SLC26A7: variants seen among roughly 807,000 people sequenced by gnomAD.
The protein encoded by SLC26A7 is solute carrier family 26 member 7.
A neutral mutation model predicts 82.5 loss-of-function variants in SLC26A7; 59 were observed. The ratio of observed to expected loss-of-function variants is 0.72; its 90% CI spans 0.58 to 0.89. The LOEUF (loss-of-function observed/expected upper bound fraction) is 0.89, where lower values mean the gene tolerates loss of function less well. Ranked by LOEUF, SLC26A7 falls within the 40% of genes least tolerant of loss-of-function variation. The pLI is 0.00. For missense variants in SLC26A7, 820 were observed against 793.0 expected, an observed-to-expected ratio of 1.03 and a Z score of -0.41; for synonymous variants, 271 against 274.3, an observed-to-expected ratio of 0.99 and a Z score of 0.12.
chr8:91,300,385 C>A (rs186049003), intron 4 of SLC26A7, among the ~76,000 whole-genome samples: 430 of 151,232 alleles, frequency 2.8e-3, no homozygotes, highest in Middle Eastern at 6.9e-3. Context: ...TTTTATTGTT[C>A]ATTAATTTGC....
At chr8:91,320,088 C>T (rs887992069) in intron 5 of SLC26A7, among the ~76,000 whole-genome samples, 14 of 151,786 alleles carry the variant, frequency 9.2e-5, no homozygotes, top group East Asian at 7.7e-4. Flanking sequence ...TTTCTTGGGA[C>T]GAGTCTCACT....
In SLC26A7 at chr8:91,351,797, T is replaced by G; in HGVS notation, c.1141-13T>G. 6.3e-7 allele frequency: 1 copy of G among 1,592,132 alleles called. No individual in the cohort carries two copies. On this transcript the variant is annotated splice_polypyrimidine_tract_variant and intron_variant, in intron 9 of 18. Transcript: ENST00000276609. ...GCTTTCTTTTTCCTTTTTGTCTGTCTTGTATTTTACAGGTGGCTTGTCTAA... is the reference window on the plus strand; with the variant it reads ...GCTTTCTTTTTCCTTTTTGTCTGTCGTGTATTTTACAGGTGGCTTGTCTAA...
intron 4 of SLC26A7, among the ~76,000 whole-genome samples, chr8:91,310,558 G>T (rs537819738): frequency 1.3e-5 from 2 of 152,172 alleles, no homozygotes; most frequent in East Asian, 3.9e-4. Flanking sequence ...CGAAATAAGG[G>T]GGTGAGGACA....
intron 6 of SLC26A7, among the ~76,000 whole-genome samples, chr8:91,336,594 G>T (rs1420832740): frequency 6.6e-6 from 1 of 151,980 alleles, no homozygotes; most frequent in Non-Finnish European, 1.5e-5. Flanking sequence ...GGGGACTGCT[G>T]CTCTAAAGCA....
chr8:91,316,949 T>G (rs1327348551), intron 4 of SLC26A7, among the ~76,000 whole-genome samples: 1 of 130,994 alleles, frequency 7.6e-6, no homozygotes. Context: ...AGCCCAAGAT[T>G]TTGAAACTAG....
At chr8:91,329,082 C>A (rs1212774247) in intron 5 of SLC26A7, among the ~76,000 whole-genome samples, 1 of 152,078 alleles carries the variant, frequency 6.6e-6, no homozygotes, top group African/African-American at 2.4e-5. Flanking sequence ...TCTCTGAGAT[C>A]TGGGGAGAAA....
chr8:91,323,818 C>CTTT lies in SLC26A7; in HGVS notation c.642+5454_642+5456dup, dbSNP rs3086210. On this transcript the variant is annotated intron_variant, in intron 5 of 18. Coordinates refer to ENST00000276609, the MANE Select transcript of SLC26A7 (RefSeq NM_052832.4). Reference sequence around the variant, plus strand: ...TCTTTCCCTTTCTCTTTTTTCTTATCTTTTTTTTTTTTTTTTTTGAGACAT... The same window carrying CTTT: ...TCTTTCCCTTTCTCTTTTTTCTTATCTTTTTTTTTTTTTTTTTTTTTGAGACAT... Among the ~76,000 whole-genome samples the CTTT allele has an allele frequency of 3.4e-3, 399 of 117,084 alleles. 12 individuals are homozygous for CTTT. The highest frequency in any genetic ancestry group is 7.6e-3 in the African/African-American group (251 of 32,958). The allele number at this position is 117,084 out of a possible 152,430, so 76.8% of individuals were successfully genotyped here.
At chr8:91,242,591 T>C in intron 2 of SLC26A7, among the ~76,000 whole-genome samples, 1 of 152,172 alleles carries the variant, frequency 6.6e-6, no homozygotes. Flanking sequence ...ATGGTGGCAA[T>C]GATACCCTTA....
At chr8:91,261,373 A>G (rs969769213) in intron 2 of SLC26A7, among the ~76,000 whole-genome samples, 3 of 152,098 alleles carry the variant, frequency 2.0e-5, no homozygotes, top group African/African-American at 7.2e-5. Flanking sequence ...AACCTTGAAT[A>G]TATCATTCTG....
At chr8:91,370,162 CTCT>C (rs1038458462) in intron 15 of SLC26A7, among the ~76,000 whole-genome samples, 106 of 147,610 alleles carry the variant, frequency 7.2e-4, no homozygotes, top group African/African-American at 2.3e-3. Context: ...TTCCTCCTCT[CTCT>C]TCTTCTTTCC....
chr8:91,379,644 C>G (rs889105681), intron 15 of SLC26A7, among the ~76,000 whole-genome samples: 1 of 151,926 alleles, frequency 6.6e-6, no homozygotes, highest in African/African-American at 2.4e-5. Context: ...CACACCATAC[C>G]ACACATATGT....
At chr8:91,356,102 C>A (rs369448578) in intron 11 of SLC26A7, among the ~76,000 whole-genome samples, 1 of 152,172 alleles carries the variant, frequency 6.6e-6, no homozygotes, top group East Asian at 1.9e-4. Flanking sequence ...TGTACATGTG[C>A]CACATTTTCT....
In SLC26A7 at chr8:91,393,993, T is replaced by G; in HGVS notation, c.1889T>G (p.Phe630Cys). 1 of 1,613,808 alleles carries G rather than the reference T, an allele frequency of 6.2e-7. No homozygotes were observed. Among genetic ancestry groups the G allele is most frequent in the Non-Finnish European group, 8.5e-7 (1 of 1,179,712 alleles). The change falls in exon 18 of 19, where the codon TTT becomes TGT. Residue 630 changes from phenylalanine to cysteine, a missense_variant. Physicochemically the swap from Phe to Cys is radical, Grantham distance 205 (BLOSUM62 -2). Transcript: ENST00000276609. ...AACCTAGACTCAGAGAAACCAATTT[T>G]TTTTGAATCGGTATCTGCTGCAATA... ...YGNLDSEKPI[F>C]FESVSAAISH...
intron 8 of SLC26A7, 80 bp downstream of exon 8, chr8:91,340,631 T>A: frequency 2.6e-6 from 4 of 1,516,360 alleles, no homozygotes; most frequent in Non-Finnish European, 3.7e-6. Flanking sequence ...ATGATGAACT[T>A]ATGAAAAATA....
intron 5 of SLC26A7, among the ~76,000 whole-genome samples, chr8:91,319,546 T>C (rs1464240364): frequency 6.6e-6 from 1 of 152,202 alleles, no homozygotes; most frequent in Non-Finnish European, 1.5e-5. Context: ...TCATTCATTG[T>C]AAGAATGATT....
At chr8:91,315,527 G>A (rs959175277) in intron 4 of SLC26A7, among the ~76,000 whole-genome samples, 1 of 151,376 alleles carries the variant, frequency 6.6e-6, no homozygotes, top group Non-Finnish European at 1.5e-5. Flanking sequence ...CCCCCAGAAC[G>A]TCTCTCTTTG....
intron 1 of SLC26A7, among the ~76,000 whole-genome samples, chr8:91,212,457 G>T (rs530493085): frequency 1.3e-5 from 2 of 152,084 alleles, no homozygotes; most frequent in Non-Finnish European, 2.9e-5. Context: ...AAAGAGATTA[G>T]ACTGCGTAGG....
intron 2 of SLC26A7, among the ~76,000 whole-genome samples, chr8:91,232,919 G>T (rs965070289): frequency 6.6e-6 from 1 of 152,210 alleles, no homozygotes; most frequent in African/African-American, 2.4e-5. Flanking sequence ...CTATGCATTT[G>T]TGAAAGCTGG....
At chr8:91,369,683 GT>G (rs1312806533) in intron 14 of SLC26A7, 101 bp from the exon 15 acceptor site, 18 of 837,362 alleles carry the variant, frequency 2.1e-5, no homozygotes, top group Non-Finnish European at 2.7e-5. Flanking sequence ...TTGGAGATGA[GT>G]TTTTTTGTTA....
Sources: gnomAD v4.1 joint callset for allele counts (sites outside exome capture counted in the v4.1 genomes callset) on GRCh38, gnomAD v4.1.1 for gene constraint, MANE v1.5 for transcripts, NCBI Gene and HGNC (gene_info 2026-07-23, HGNC 2026-07-21) for gene names.